PHC3: variants seen among roughly 807,000 people sequenced by gnomAD.
The protein encoded by PHC3 is polyhomeotic homolog 3.
PHC3 carries 13 observed loss-of-function variants against 107.4 expected under a neutral mutation model. The observed-to-expected ratio is 0.12, with a 90% CI of 0.08 to 0.19. PHC3 has a LOEUF of 0.19. PHC3 is among the 10% of genes least tolerant of loss of function. The probability of loss-of-function intolerance (pLI) is 1.00; values close to 1 mark genes in which losing one functional copy is unlikely to be tolerated. For missense variants in PHC3, 992 were observed against 1,210.9 expected (o/e 0.82, Z 2.68); for synonymous variants, 456 against 427.4 (o/e 1.07, Z -0.83).
chr3:170,122,562 A>C (rs374376056), intron 9 of PHC3, 29 bp downstream of exon 9: 43 of 1,608,890 alleles, frequency 2.7e-5, no homozygotes, highest in Non-Finnish European at 3.7e-5. Context: ...CAAATAGAAA[A>C]ATTCCCACAA....
At chr3:170,149,278 C>T in intron 4 of PHC3, 34 bp from the exon 5 acceptor site, 3 of 1,562,126 alleles carry the variant, frequency 1.9e-6, no homozygotes, top group Non-Finnish European at 2.6e-6. Context: ...CATAGGCTTC[C>T]ATTTCTTGCT....
intron 12 of PHC3, 126 bp downstream of exon 12, chr3:170,106,706 G>C (rs547898190): frequency 3.9e-6 from 2 of 514,652 alleles, no homozygotes; most frequent in South Asian, 8.4e-5. Flanking sequence ...TAATATCTAG[G>C]TTTCTTCTAT....
intron 4 of PHC3, among the ~76,000 whole-genome samples, chr3:170,163,475 T>TAA (rs1242701910): frequency 6.7e-6 from 1 of 148,762 alleles, no homozygotes; most frequent in African/African-American, 2.6e-5. Context: ...TGTGTGTGTG[T>TAA]GTGTGTGTGT....
At chr3:170,117,004 T>A in intron 10 of PHC3, 1 of 529,350 alleles carries the variant, frequency 1.9e-6, no homozygotes, top group Non-Finnish European at 3.3e-6. Flanking sequence ...GTCCTGAAAT[T>A]TTTTTCATTT....
At chr3:170,157,364 G>T (rs1299040768) in intron 4 of PHC3, among the ~76,000 whole-genome samples, 1 of 152,210 alleles carries the variant, frequency 6.6e-6, no homozygotes, top group Admixed American at 6.5e-5. Context: ...AACCAACTAA[G>T]AAGACAGACG....
intron 10 of PHC3, among the ~76,000 whole-genome samples, chr3:170,114,142 T>C (rs1029839453): frequency 1.3e-5 from 2 of 152,214 alleles, no homozygotes; most frequent in Non-Finnish European, 2.9e-5. Flanking sequence ...CCCAAGTAGC[T>C]GGGATTACGG....
chr3:170,134,371 G>GT (rs1462435805), intron 7 of PHC3, among the ~76,000 whole-genome samples: 3 of 151,974 alleles, frequency 2.0e-5, no homozygotes, highest in Non-Finnish European at 4.4e-5. Context: ...TGTATTTTTA[G>GT]TAGAGACGGG....
intron 11 of PHC3, among the ~76,000 whole-genome samples, chr3:170,111,627 A>G (rs1330773862): frequency 6.6e-6 from 1 of 152,250 alleles, no homozygotes; most frequent in Non-Finnish European, 1.5e-5. Flanking sequence ...TTCAAGGTTA[A>G]CATTCTTTCA....
chr3:170,109,455 C>T lies in PHC3; in HGVS notation c.2354-2509G>A, dbSNP rs1219350235. Among the ~76,000 whole-genome samples, 3 of 152,118 alleles carry T rather than the reference C, an allele frequency of 2.0e-5. No homozygotes were observed. In the East Asian group the frequency reaches 5.8e-4, roughly 29 times the overall value. ...GACATAAGACCCTGGAGCTTGAGTGCCCAATACTAAGGAACTACCACATAA... is the reference window on the plus strand; with the variant it reads ...GACATAAGACCCTGGAGCTTGAGTGTCCAATACTAAGGAACTACCACATAA... On this transcript the variant is annotated intron_variant, in intron 11 of 14. Coordinates refer to ENST00000495893, the MANE Select transcript of PHC3 (RefSeq NM_024947.4).
At position 170,094,531 on chromosome 3, in the gene PHC3, T is replaced by TC. The variant is rs1331952509; in HGVS notation, c.*2698dup. 1 of 152,212 alleles carries TC rather than the reference T, an allele frequency of 6.6e-6. No homozygotes were observed. The highest frequency in any genetic ancestry group is 1.9e-4 in the East Asian group (1 of 5,174). 9.4% of individuals were successfully genotyped at this position (152,212 alleles called of 1,614,324 possible). ...GAAAGGATATGAAAACAATTTACTC[T>TC]CCCCACCTATATCATACTGAAACTC... On this transcript the variant is annotated 3_prime_UTR_variant, in exon 15 of 15. Transcript: ENST00000495893.
rs552472063 is a variant in PHC3, at chr3:170,097,476, G to A, written c.2834-92C>T. 17 of 1,245,096 alleles carry A rather than the reference G, an allele frequency of 1.4e-5. No individual in the cohort carries two copies. Among genetic ancestry groups the A allele is most frequent in the Non-Finnish European group, 1.8e-5 (17 of 932,094 alleles). The allele number at this position is 1,245,096 out of a possible 1,614,324, so 77.1% of individuals were successfully genotyped here. On this transcript the variant is annotated intron_variant, in intron 14 of 14. Coordinates refer to ENST00000495893, the MANE Select transcript of PHC3 (RefSeq NM_024947.4). This position sits in a 1 kb window ranked among gnomAD's most constrained non-coding sequence, Gnocchi z 4.1. Reference sequence around the variant, plus strand: ...TCACAGTTATGCTCTCACTGGGTCTGAGAATCTGAAATACAGGCTGAGAAA... The same window carrying A: ...TCACAGTTATGCTCTCACTGGGTCTAAGAATCTGAAATACAGGCTGAGAAA...
chr3:170,133,182 CTT>C (rs757533544), intron 7 of PHC3, among the ~76,000 whole-genome samples: 34 of 141,290 alleles, frequency 2.4e-4, no homozygotes, highest in Non-Finnish European at 2.2e-4. Flanking sequence ...TTCAGATTAA[CTT>C]TTTTTTTTTT....
In PHC3 at chr3:170,178,677, A is replaced by G. The variant is rs1730907516; in HGVS notation, c.180+96T>C. On this transcript the variant is annotated intron_variant, in intron 2 of 14. Transcript: ENST00000495893. ...TTGAAACATTAGTAATTCTAACTGT[A>G]CATTTGAGAATATGAAACAATACAT... 7 of 1,333,668 alleles carry G rather than the reference A, an allele frequency of 5.2e-6. No individual in the cohort carries two copies. The Admixed American group carries it at 8.5e-5, about 16-fold the overall frequency. The allele number at this position is 1,333,668 out of a possible 1,614,324, so 82.6% of individuals were successfully genotyped here. A position where few individuals can be genotyped will look rare whatever the true frequency, so the allele number is the denominator to read the frequency against.
Position 170,119,049 on chromosome 3 carries a change from A to G in PHC3, c.1943-1573T>C, listed in dbSNP as rs528737587. Among the ~76,000 whole-genome samples, 9 of 151,478 alleles carry G rather than the reference A, an allele frequency of 5.9e-5. No individual in the cohort carries two copies. In the South Asian group the frequency reaches 1.7e-3, roughly 28 times the overall value. On this transcript the variant is annotated intron_variant, in intron 9 of 14. Coordinates refer to ENST00000495893, the MANE Select transcript of PHC3 (RefSeq NM_024947.4). ...TCTATAAAAAGCTAAAAAAAAAAAA[A>G]AAAAAAGAAAAAGAAAAGAAAAGAA...
chr3:170,111,369 A>AAGGG (rs1717701747), intron 11 of PHC3, among the ~76,000 whole-genome samples: 7 of 146,684 alleles, frequency 4.8e-5, no homozygotes, highest in Non-Finnish European at 7.4e-5. Context: ...AAGGAAGGAA[A>AAGGG]AAGAAAGAAA....
Position 170,126,533 on chromosome 3 carries a change from T to A in PHC3, c.1788+2151A>T, listed in dbSNP as rs1421863249. On this transcript the variant is annotated intron_variant, in intron 8 of 14. Coordinates refer to ENST00000495893, the MANE Select transcript of PHC3 (RefSeq NM_024947.4). ...ATATATATATATATATATATATTTT[T>A]TTTTTTTTTTCCTTTTTCTTTTTTT... is the stretch of plus-strand genomic sequence containing the variant. Among the ~76,000 whole-genome samples, 574 of 144,458 alleles carry A rather than the reference T, an allele frequency of 4.0e-3. 4 individuals are homozygous for A. The highest frequency in any genetic ancestry group is 0.012 in the African/African-American group (466 of 39,224). 94.8% of individuals were successfully genotyped at this position (144,458 alleles called of 152,430 possible).
At chr3:170,171,078 T>C (rs1729510562) in intron 4 of PHC3, 1 of 441,460 alleles carries the variant, frequency 2.3e-6, no homozygotes, top group Non-Finnish European at 3.9e-6. Flanking sequence ...CCCTGCATTG[T>C]ATATTTTAGG....
chr3:170,149,228 G>A lies in PHC3; in HGVS notation c.431C>T (p.Ser144Phe), dbSNP rs746890429. Residue 144 changes from serine (S) to phenylalanine (F), a missense_variant, in exon 5 of 15, where the codon TCT (serine) becomes TTT (phenylalanine). Around this residue, in one of 6 missense-constraint regions of PHC3, gnomAD observed 161 missense variants for 183.7 expected, o/e 0.88. Coordinates refer to ENST00000495893, the MANE Select transcript of PHC3 (RefSeq NM_024947.4). ...GCTTATTAACTGTGCAGGTGTAGGA[G>A]AAGTGGAGAGGTTGATCTAAGGAAG... ...MSQTSINLSTSPTPAQLISRS... is the reference protein window; with the variant it reads ...MSQTSINLSTFPTPAQLISRS... 1.2e-6 allele frequency: 2 copies of A among 1,611,464 alleles called. No individual in the cohort carries two copies. The highest frequency in any genetic ancestry group is 1.7e-6 in the Non-Finnish European group (2 of 1,179,034).
chr3:170,103,818 A>C (rs990663740), intron 12 of PHC3, among the ~76,000 whole-genome samples: 1 of 152,200 alleles, frequency 6.6e-6, no homozygotes, highest in African/African-American at 2.4e-5. Flanking sequence ...TTGGGAGGCC[A>C]AGGTGGGTGG....
Sources: allele counts gnomAD v4.1 joint callset (sites outside exome capture counted in the v4.1 genomes callset), GRCh38; gene constraint gnomAD v4.1.1; regional missense constraint gnomAD v4.1.1; non-coding constraint Gnocchi (gnomAD v3.1); transcripts MANE v1.5; gene names NCBI Gene and HGNC (gene_info 2026-07-23, HGNC 2026-07-21).